SLC25A39: variants seen among roughly 807,000 people sequenced by gnomAD.
SLC25A39 encodes the protein mitochondrial glutathione transporter SLC25A39.
A neutral mutation model predicts 46.6 loss-of-function variants in SLC25A39; 44 were observed. The observed-to-expected ratio is 0.94, with a 90% confidence interval of 0.74 to 1.21. SLC25A39 has a LOEUF of 1.21. Among genes scored for constraint, SLC25A39 ranks in the 50% most tolerant of loss-of-function variants. The pLI is 0.00. For missense variants in SLC25A39, 487 were observed against 473.0 expected, an observed-to-expected ratio of 1.03 and a Z score of -0.28; for synonymous variants, 218 against 190.6, an observed-to-expected ratio of 1.14 and a Z score of -1.19.
In SLC25A39 at chr17:44,319,923, GA is replaced by G; in HGVS notation, c.*77del. ...ACAAGCCCCCTCCCTCAGTGCTGAG[GA>G]AAAGGCACTTGGCTGGGTCTCCTCC... On this transcript the variant is annotated 3_prime_UTR_variant, in exon 12 of 12. Coordinates refer to ENST00000377095, the MANE Select transcript of SLC25A39 (RefSeq NM_001143780.3). The G allele has an allele frequency of 2.8e-6, 4 of 1,418,584 alleles. No homozygotes were observed. The highest frequency in any genetic ancestry group is 1.7e-5 in the Admixed American group (1 of 58,288). The allele number at this position is 1,418,584 out of a possible 1,614,324, so 87.9% of individuals were successfully genotyped here.
Position 44,320,105 on chromosome 17 carries a change from G to C in SLC25A39, c.976C>G (p.Arg326Gly). 1.2e-6 allele frequency: 2 copies of C among 1,614,050 alleles called. No individual in the cohort carries two copies. Among genetic ancestry groups the C allele is most frequent in the Non-Finnish European group, 1.7e-6 (2 of 1,180,016 alleles). Reference sequence around the variant, plus strand: ...CAGGAGGGGGCAGCCTTGATGATCCGAGGAAGGAAGCCTGCAGTGGAAAGG... The same window carrying C: ...CAGGAGGGGGCAGCCTTGATGATCCCAGGAAGGAAGCCTGCAGTGGAAAGG... ...TKGLFAGFLPRIIKAAPSCAI... is the reference protein window; with the variant it reads ...TKGLFAGFLPGIIKAAPSCAI... Residue 326 changes from arginine to glycine, a missense_variant, in exon 12 of 12, where the codon CGG becomes GGG. Arg to Gly is a moderately radical substitution (Grantham distance 125, BLOSUM62 -2). Coordinates refer to ENST00000377095, the MANE Select transcript of SLC25A39 (RefSeq NM_001143780.3).
At chr17:44,321,874 C>G (rs1438169061) in intron 5 of SLC25A39, 107 bp from the exon 6 acceptor site, 18 of 1,168,500 alleles carry the variant, frequency 1.5e-5, no homozygotes, top group Non-Finnish European at 2.2e-5. Context: ...CCTCTGCCCA[C>G]AGCCCTCAGG....
chr17:44,323,201 G>A (rs1598348253), intron 3 of SLC25A39, 83 bp downstream of exon 3: 4 of 1,528,064 alleles, frequency 2.6e-6, no homozygotes, highest in African/African-American at 1.4e-5. Flanking sequence ...GGGATTACAG[G>A]TATGAGAAAC....
chr17:44,320,022 C>T lies in SLC25A39; in HGVS notation c.1059G>A (p.Gln353=). The change falls in exon 12 of 12, where the codon CAG becomes CAA. Residue 353 remains glutamine, a synonymous_variant. Coordinates refer to ENST00000377095, the MANE Select transcript of SLC25A39 (RefSeq NM_001143780.3). ...CCTTTCAGCCGCCCAGAAGCCGGTC[C>T]TGGTTCAGCCTCTGGAAGAAGCTTT... ...FGKSFFQRLN[Q]DRLLGG is the part of the protein sequence containing the mutation. The T allele has an allele frequency of 1.2e-6, 2 of 1,614,054 alleles. No individual in the cohort carries two copies. The highest frequency in any genetic ancestry group is 1.7e-6 in the Non-Finnish European group (2 of 1,180,038).
chr17:44,321,177 G>A lies in SLC25A39; in HGVS notation c.572C>T (p.Ala191Val), dbSNP rs761535647. ...CAGCTCCCGGTACGACACATGCTGA[G>A]CCTGCAGCTTTGTCCGCATAAGCTC... ...PLELMRTKLQAQHVSYRELGA... is the reference protein window; with the variant it reads ...PLELMRTKLQVQHVSYRELGA... Residue 191 changes from alanine (A) to valine (V), a missense_variant, in exon 8 of 12, where the codon GCT (alanine) becomes GTT (valine). Transcript: ENST00000377095. 46 of 1,613,106 alleles carry A rather than the reference G, an allele frequency of 2.9e-5. No homozygotes were observed. The highest frequency in any genetic ancestry group is 3.6e-5 in the Non-Finnish European group (43 of 1,179,950).
Position 44,321,574 on chromosome 17 carries a change from G to A in SLC25A39, c.393-16C>T. On this transcript the variant is annotated splice_polypyrimidine_tract_variant and intron_variant, in intron 6 of 11. Coordinates refer to ENST00000377095, the MANE Select transcript of SLC25A39 (RefSeq NM_001143780.3). ...AGTCATCACCCTGGGGATACAGAGA[G>A]AGGTTAGCTGGGACTCCCAAAAGGA... The A allele has an allele frequency of 3.1e-6, 5 of 1,613,180 alleles. No individual in the cohort carries two copies. The highest frequency in any genetic ancestry group is 1.1e-5 in the South Asian group (1 of 91,058).
At chr17:44,322,667 T>A in intron 4 of SLC25A39, 115 bp from the exon 5 acceptor site, 2 of 1,558,558 alleles carry the variant, frequency 1.3e-6, no homozygotes, top group South Asian at 2.4e-5. Flanking sequence ...GATGTTCTGG[T>A]GCAGGTCACA....
chr17:44,321,016 C>G (rs757195502), intron 8 of SLC25A39, 42 bp downstream of exon 8: 1 of 1,546,320 alleles, frequency 6.5e-7, no homozygotes, highest in African/African-American at 1.4e-5. Flanking sequence ...TGTGCATCAC[C>G]CCAGGGTTCC....
chr17:44,322,436 G>A lies in SLC25A39; in HGVS notation c.307C>T (p.Arg103Cys), dbSNP rs1430593963. Residue 103 changes from arginine (R) to cysteine (C), a missense_variant, in exon 5 of 12, where the codon CGC becomes TGC. Physicochemically the swap from Arg to Cys is radical, Grantham distance 180. Transcript: ENST00000377095. ...CTCCTCACCATGGTGCCAGTGAAGCGGGTAGGGTCTTGAAACCAGGTGGCA... is the reference window on the plus strand; with the variant it reads ...CTCCTCACCATGGTGCCAGTGAAGCAGGTAGGGTCTTGAAACCAGGTGGCA... The part of the protein sequence containing the change: ...RCATWFQDPT[R>C]FTGTMDAFVK... 13 of 1,614,014 alleles carry A rather than the reference G, an allele frequency of 8.1e-6. No homozygotes were observed. Among genetic ancestry groups the A allele is most frequent in the Admixed American group, 3.3e-5 (2 of 59,996 alleles).
intron 4 of SLC25A39, 49 bp from the exon 5 acceptor site, chr17:44,322,601 A>G (rs1293023633): frequency 1.3e-6 from 2 of 1,599,406 alleles, no homozygotes; most frequent in Non-Finnish European, 8.5e-7. Context: ...AGAACCTTGC[A>G]GGGAGGCAGT....
At chr17:44,323,430 G>T in intron 2 of SLC25A39, 48 bp downstream of exon 2, 1 of 1,510,224 alleles carries the variant, frequency 6.6e-7, no homozygotes, top group Non-Finnish European at 9.0e-7. Flanking sequence ...CCAATCTCCG[G>T]TCTGCCCCAT....
intron 3 of SLC25A39, 93 bp downstream of exon 3, chr17:44,323,191 G>C (rs2048108498): frequency 1.4e-6 from 2 of 1,480,146 alleles, no homozygotes; most frequent in East Asian, 4.6e-5. Context: ...CCAAAGCGCT[G>C]GGATTACAGG....
rs775264281 is a variant in SLC25A39, at chr17:44,321,437, G to A, written c.514C>T (p.Arg172Cys). The A allele has an allele frequency of 5.0e-6, 8 of 1,613,316 alleles. No individual in the cohort carries two copies. The highest frequency in any genetic ancestry group is 4.0e-5 in the African/African-American group (3 of 74,782). The change falls in exon 7 of 12, where the codon CGC (arginine) becomes TGC (cysteine). Residue 172 changes from arginine (R) to cysteine (C), a missense_variant. Physicochemically the swap from Arg to Cys is radical, Grantham distance 180. Transcript: ENST00000377095. ...AAAGGCCCAAGACTATGCTCACGGC[G>A]GGCCAGCGCGCCAGCCACCATGGGT... Reference protein sequence around the residue: ...YAPMVAGALARLGTVTVISPL... With the variant: ...YAPMVAGALACLGTVTVISPL...
At chr17:44,322,625 T>C in intron 4 of SLC25A39, 73 bp from the exon 5 acceptor site, 1 of 1,581,092 alleles carries the variant, frequency 6.3e-7, no homozygotes, top group Non-Finnish European at 8.6e-7. Context: ...CCCCTATCCC[T>C]GGAAGGCCAG....
At chr17:44,323,434 G>GGGCCCCCCCCCCC in intron 2 of SLC25A39, 44 bp downstream of exon 2, 1 of 1,367,924 alleles carries the variant, frequency 7.3e-7, no homozygotes, top group Non-Finnish European at 1.0e-6. Context: ...TCTCCGGTCT[G>GGGCCCCCCCCCCC]CCCCATCCCC....
At position 44,323,068 on chromosome 17, in the gene SLC25A39, G is replaced by A. The variant is rs554211430; in HGVS notation, c.145+216C>T. Among the ~76,000 whole-genome samples the A allele has an allele frequency of 9.9e-5, 15 of 152,248 alleles. 3 individuals are homozygous for A. The Middle Eastern group carries it at 0.01, about 104-fold the overall frequency. ...CTCCCAGGTAGCTGGGACTACAGGC[G>A]CATGCCACCAAGCCCGGCTAATTTT... On this transcript the variant is annotated intron_variant, in intron 3 of 11. Transcript: ENST00000377095.
rs1388558247 is a variant in SLC25A39, at chr17:44,320,691, G to C, written c.732C>G (p.Leu244=). 6.2e-7 allele frequency: 1 copy of C among 1,613,950 alleles called. No homozygotes were observed. Among genetic ancestry groups the C allele is most frequent in the Non-Finnish European group, 8.5e-7 (1 of 1,180,030 alleles). ...WFNYELVKSW[L]NGFRPKDQTS... ...TCTGGTCCTTCGGCCTGAACCCATTGAGCCAGCTCTTCACCAGCTCATAGT... is the reference window on the plus strand; with the variant it reads ...TCTGGTCCTTCGGCCTGAACCCATTCAGCCAGCTCTTCACCAGCTCATAGT... The change falls in exon 9 of 12, where the codon CTC becomes CTG. Residue 244 remains leucine, a synonymous_variant. Transcript: ENST00000377095.
At chr17:44,324,151 A>G (rs957068408) in intron 1 of SLC25A39, 1 of 153,904 alleles carries the variant, frequency 6.5e-6, no homozygotes, top group South Asian at 2.0e-4. Context: ...ATGCAGTAGG[A>G]GCCAGGGTCC....
intron 2 of SLC25A39, 44 bp downstream of exon 2, chr17:44,323,434 G>GGGCCCCCCCCCCCCCCC: frequency 7.3e-7 from 1 of 1,367,918 alleles, no homozygotes; most frequent in Non-Finnish European, 1.0e-6. Context: ...TCTCCGGTCT[G>GGGCCCCCCCCCCCCCCC]CCCCATCCCC....
Sources: allele counts gnomAD v4.1 joint callset (sites outside exome capture counted in the v4.1 genomes callset), GRCh38; gene constraint gnomAD v4.1.1; transcripts MANE v1.5; gene names NCBI Gene and HGNC (gene_info 2026-07-23, HGNC 2026-07-21).